The following ADARB1 variants were observed in gnomAD, a reference collection of about 807,000 sequenced individuals.
ADARB1 encodes the protein adenosine deaminase RNA specific B1.
Under a neutral mutation model 52.4 loss-of-function variants are expected in ADARB1, and 10 were observed. That is an observed-to-expected ratio of 0.19 (90% confidence interval 0.12 to 0.32). The LOEUF is 0.32. Ranked by LOEUF, ADARB1 falls within the 10% of genes least tolerant of loss-of-function variation. The pLI, the probability that ADARB1 is intolerant of heterozygous loss-of-function variation, is 1.00. For missense variants in ADARB1, 643 were observed against 922.3 expected, an observed-to-expected ratio of 0.70 and a Z score of 3.92; for synonymous variants, 349 against 371.1, an observed-to-expected ratio of 0.94 and a Z score of 0.68.
In ADARB1 at chr21:45,074,733, A is replaced by G. The variant is rs1309651207; in HGVS notation, c.-280A>G. ...GAGGCAGAGCGCCGCCCGGCGCGAGACTGCGGCCGAAGCGTGGGGCGCGCG... is the reference window on the plus strand; with the variant it reads ...GAGGCAGAGCGCCGCCCGGCGCGAGGCTGCGGCCGAAGCGTGGGGCGCGCG... On this transcript the variant is annotated 5_prime_UTR_variant, in exon 1 of 11. Coordinates refer to ENST00000348831, the MANE Select transcript of ADARB1 (RefSeq NM_001112.4). 3 of 145,736 alleles carry G rather than the reference A, an allele frequency of 2.1e-5. No homozygotes were observed. Among genetic ancestry groups the G allele is most frequent in the Non-Finnish European group, 4.6e-5 (3 of 65,500 alleles). 9.0% of individuals were successfully genotyped at this position (145,736 alleles called of 1,614,324 possible).
chr21:45,136,719 A>G (rs1030457090), intron 2 of ADARB1, among the ~76,000 whole-genome samples: 3 of 152,118 alleles, frequency 2.0e-5, no homozygotes, highest in Non-Finnish European at 4.4e-5. Flanking sequence ...CAGAGGAGGC[A>G]CCCTGCCGCT....
chr21:45,086,610 T>C (rs566293757), intron 1 of ADARB1, among the ~76,000 whole-genome samples: 1 of 152,384 alleles, frequency 6.6e-6, no homozygotes, highest in Admixed American at 6.5e-5. Flanking sequence ...GCATCAGGCT[T>C]TCACTTAACA....
chr21:45,190,794 G>C (rs1251780786), intron 8 of ADARB1, among the ~76,000 whole-genome samples: 4 of 152,314 alleles, frequency 2.6e-5, no homozygotes, highest in African/African-American at 9.6e-5. Flanking sequence ...ACAGAAACCA[G>C]CCCTTTGGGC....
chr21:45,217,791 T>G (rs1175908833), intron 9 of ADARB1, among the ~76,000 whole-genome samples: 1 of 152,192 alleles, frequency 6.6e-6, no homozygotes, highest in Non-Finnish European at 1.5e-5. Context: ...TGGGAAAGTA[T>G]TTTGCTTTCA....
chr21:45,112,598 A>G (rs1254215238), intron 1 of ADARB1, among the ~76,000 whole-genome samples: 1 of 151,896 alleles, frequency 6.6e-6, no homozygotes, highest in Non-Finnish European at 1.5e-5. Context: ...GATGGTCCTG[A>G]GTCACCCACA....
At position 45,208,895 on chromosome 21, in the gene ADARB1, C is replaced by T. The variant is rs555515569; in HGVS notation, c.1747+4159C>T. Among the ~76,000 whole-genome samples the T allele has an allele frequency of 3.3e-5, 5 of 152,274 alleles. No homozygotes were observed. The highest frequency in any genetic ancestry group is 5.9e-5 in the Non-Finnish European group (4 of 68,032). ...CGACCACCAAGCTTGGCTCCAAGTA[C>T]AGAATCATTCTTTTCATCTGACAAT... On this transcript the variant is annotated intron_variant, in intron 9 of 10. Coordinates refer to ENST00000348831, the MANE Select transcript of ADARB1 (RefSeq NM_001112.4). This position sits in a 1 kb window ranked among gnomAD's most constrained non-coding sequence, Gnocchi z 5.6.
chr21:45,137,702 T>C (rs2089471175), intron 2 of ADARB1, among the ~76,000 whole-genome samples: 1 of 151,314 alleles, frequency 6.6e-6, no homozygotes, highest in African/African-American at 2.4e-5. Context: ...GCCTGGTGGG[T>C]GTGGAGGGGA....
At chr21:45,216,238 A>G (rs1245914800) in intron 9 of ADARB1, among the ~76,000 whole-genome samples, 1 of 151,840 alleles carries the variant, frequency 6.6e-6, no homozygotes, top group Non-Finnish European at 1.5e-5. Context: ...AAGTTTTTCA[A>G]TTCTGTTTGT....
intron 2 of ADARB1, among the ~76,000 whole-genome samples, chr21:45,131,806 C>T (rs956832754): frequency 3.9e-5 from 6 of 152,256 alleles, no homozygotes; most frequent in Non-Finnish European, 8.8e-5. Context: ...AAAGAGCCGT[C>T]ATTCAAGGCT....
Position 45,177,608 on chromosome 21 carries a change from T to C in ADARB1, c.963+944T>C, listed in dbSNP as rs77462840. On this transcript the variant is annotated intron_variant, in intron 4 of 10. Transcript: ENST00000348831. ...AGTTATTTTTTTGACCCTCTATTCA[T>C]TTATTACTTTGTATCAGAGTCTTCT... 3 of 152,344 alleles carry C rather than the reference T, an allele frequency of 2.0e-5. No homozygotes were observed. In the East Asian group the frequency reaches 5.8e-4, roughly 29 times the overall value. 9.4% of individuals were successfully genotyped at this position (152,344 alleles called of 1,614,324 possible). A position where few individuals can be genotyped will look rare whatever the true frequency, so the allele number is the denominator to read the frequency against.
At chr21:45,153,262 A>T (rs866338503) in intron 2 of ADARB1, among the ~76,000 whole-genome samples, 8 of 152,184 alleles carry the variant, frequency 5.3e-5, no homozygotes, top group South Asian at 2.1e-4. Flanking sequence ...TCAAAACCAG[A>T]TTCAAAAGTT....
chr21:45,203,076 A>G lies in ADARB1; in HGVS notation c.1566-1479A>G, dbSNP rs539842708. Among the ~76,000 whole-genome samples, 5 of 152,346 alleles carry G rather than the reference A, an allele frequency of 3.3e-5. No homozygotes were observed. The South Asian group carries it at 1.0e-3, about 32-fold the overall frequency. On this transcript the variant is annotated intron_variant, in intron 8 of 10. Transcript: ENST00000348831. The stretch of plus-strand genomic sequence containing the variant: ...GCTGACGCCACTTCGTAAAATGCGC[A>G]TGCGCCAGCCCCTCCCCTGAGACAC...
At chr21:45,083,212 C>CT (rs1038377386) in intron 1 of ADARB1, among the ~76,000 whole-genome samples, 2 of 152,208 alleles carry the variant, frequency 1.3e-5, no homozygotes, top group African/African-American at 4.8e-5. Flanking sequence ...GAGAGAATAA[C>CT]TTTAACTTAC....
intron 1 of ADARB1, among the ~76,000 whole-genome samples, chr21:45,077,937 G>T (rs1014380046): frequency 6.6e-6 from 1 of 152,154 alleles, no homozygotes; most frequent in Non-Finnish European, 1.5e-5. Context: ...CAGGGACAGC[G>T]CAGTAGCCCA....
At chr21:45,175,052 C>G (rs1019762625) in intron 3 of ADARB1, among the ~76,000 whole-genome samples, 11 of 152,190 alleles carry the variant, frequency 7.2e-5, no homozygotes, top group African/African-American at 2.2e-4. Context: ...TAAATAGATA[C>G]TAGAAATAAA....
intron 1 of ADARB1, among the ~76,000 whole-genome samples, chr21:45,087,997 G>C (rs1340543314): frequency 6.6e-6 from 1 of 152,206 alleles, no homozygotes; most frequent in African/African-American, 2.4e-5. Flanking sequence ...ATGAGAGCCA[G>C]GTTTCTCACT....
rs547150451 is a variant in ADARB1 at position 45,090,626 on chromosome 21, T to G, written c.-220+15833T>G. Among the ~76,000 whole-genome samples the G allele has an allele frequency of 4.5e-3, 681 of 152,302 alleles. 2 individuals carry two copies. Among genetic ancestry groups the G allele is most frequent in the Middle Eastern group, 0.017 (5 of 294 alleles). The stretch of plus-strand genomic sequence containing the variant: ...AGTGGGGCCTGAGTGTGCAGCCTGG[T>G]GACTCTCATATCTGTGTGCACTCAC... On this transcript the variant is annotated intron_variant, in intron 1 of 10. Transcript: ENST00000348831.
intron 9 of ADARB1, among the ~76,000 whole-genome samples, chr21:45,211,934 C>T (rs1193954359): frequency 2.0e-5 from 3 of 152,160 alleles, no homozygotes; most frequent in Admixed American, 6.5e-5. Flanking sequence ...CCAGAAAAAG[C>T]GTATGGTTAG....
At chr21:45,139,660 C>T (rs1478586106) in intron 2 of ADARB1, among the ~76,000 whole-genome samples, 2 of 152,136 alleles carry the variant, frequency 1.3e-5, no homozygotes, top group African/African-American at 2.4e-5. Context: ...TGTGGGGCCG[C>T]GTGCGCCCGT....
Sources: gnomAD v4.1 joint callset for allele counts (sites outside exome capture counted in the v4.1 genomes callset) on GRCh38, gnomAD v4.1.1 for gene constraint, Gnocchi (gnomAD v3.1) non-coding constraint, MANE v1.5 for transcripts, NCBI Gene and HGNC (gene_info 2026-07-23, HGNC 2026-07-21) for gene names.